INPP5J: variants seen among roughly 807,000 people sequenced by gnomAD.
INPP5J encodes inositol polyphosphate-5-phosphatase J.
INPP5J carries 75 observed loss-of-function variants against 86.6 expected under a neutral mutation model. That is an observed-to-expected ratio of 0.87 (90% CI 0.72 to 1.05). The LOEUF is 1.05. Ranked by LOEUF, INPP5J falls within the 50% of genes least tolerant of loss-of-function variation. INPP5J has a pLI of 0.00. For synonymous variants in INPP5J, 540 were observed against 550.0 expected, an observed-to-expected ratio of 0.98 and a Z score of 0.25; for missense variants, 1,229 against 1,341.2, an observed-to-expected ratio of 0.92 and a Z score of 1.31.
intron 1 of INPP5J, 35 bp downstream of exon 1, chr22:31,123,154 CT>C: frequency 7.4e-7 from 1 of 1,350,162 alleles, no homozygotes; most frequent in Non-Finnish European, 9.8e-7. Context: ...CCCCGCTTTC[CT>C]GATCCCTGGT....
rs765506251 is a variant in INPP5J, at chr22:31,128,576, G to A, written c.2115G>A (p.Val705=). Residue 705 remains valine (V), a synonymous_variant, in exon 9 of 13, where the codon GTG becomes GTA. Coordinates refer to ENST00000331075, the MANE Select transcript of INPP5J (RefSeq NM_001284285.2). ...PSGRKSHRLQ[V]TQHSYRSHME... is the part of the protein sequence containing the mutation. Reference sequence around the variant, plus strand: ...GACGGAAGAGCCACCGACTCCAGGTGACGCAGCACAGCTACCGCAGCCACA... The same window carrying A: ...GACGGAAGAGCCACCGACTCCAGGTAACGCAGCACAGCTACCGCAGCCACA... 6 of 1,613,148 alleles carry A rather than the reference G, an allele frequency of 3.7e-6. No homozygotes were observed. The South Asian group carries it at 6.6e-5, about 18-fold the overall frequency.
Position 31,125,932 on chromosome 22 carries a change from C to G in INPP5J, c.1193C>G (p.Thr398Ser). The change falls in exon 2 of 13, where the codon ACC becomes AGC. Residue 398 changes from threonine to serine, a missense_variant. Coordinates refer to ENST00000331075, the MANE Select transcript of INPP5J (RefSeq NM_001284285.2). ...LQAQEAPAPV[T>S]TSSSTSTLSS... is the part of the protein sequence containing the mutation. ...GCCCAAGAAGCCCCAGCCCCAGTCA[C>G]CACCTCCTCTTCTACATCCACCCTG... 1 of 1,613,296 alleles carries G rather than the reference C, an allele frequency of 6.2e-7. No homozygotes were observed.
chr22:31,124,307 A>AG, intron 1 of INPP5J: 1 of 987,888 alleles, frequency 1.0e-6, no homozygotes, highest in Non-Finnish European at 1.2e-6. Context: ...TTGGATGTTT[A>AG]GGGGGCGGTG....
chr22:31,124,971 G>A lies in INPP5J; in HGVS notation c.232G>A (p.Ala78Thr). 6.2e-7 allele frequency: 1 copy of A among 1,601,836 alleles called. No homozygotes were observed. Among genetic ancestry groups the A allele is most frequent in the Non-Finnish European group, 8.5e-7 (1 of 1,174,334 alleles). Residue 78 changes from alanine (A) to threonine (T), a missense_variant, in exon 2 of 13, where the codon GCT becomes ACT. Ala to Thr is a moderately conservative substitution (Grantham distance 58). Coordinates refer to ENST00000331075, the MANE Select transcript of INPP5J (RefSeq NM_001284285.2). ...MSASSEGPRL[A>T]LASPRPILAP... Reference sequence around the variant, plus strand: ...AGCTTCCTCGGAAGGACCGAGGCTGGCTCTGGCATCTCCCCGACCAATCCT... The same window carrying A: ...AGCTTCCTCGGAAGGACCGAGGCTGACTCTGGCATCTCCCCGACCAATCCT...
In INPP5J at chr22:31,126,999, C is replaced by T; in HGVS notation, c.1573C>T (p.Gln525Ter). Residue 525 changes from glutamine (Q) to a stop codon, truncating the protein, a stop_gained, in exon 5 of 13, where the codon CAG (glutamine) becomes TAG (stop). Transcript: ENST00000331075. LOFTEE classifies it high-confidence loss of function. The stretch of plus-strand genomic sequence containing the variant: ...CCACCTGCCCTTCCTGCGAGACGTG[C>T]AGACCGACTGCACGCGCACTGGCCT... The part of the protein sequence containing the change: ...YYHLPFLRDV[Q>*]TDCTRTGLGG... 6.2e-7 allele frequency: 1 copy of T among 1,608,540 alleles called. No individual in the cohort carries two copies. Among genetic ancestry groups the T allele is most frequent in the South Asian group, 1.1e-5 (1 of 90,036 alleles).
chr22:31,127,222 T>C (rs1778226874), intron 5 of INPP5J, 135 bp from the exon 6 acceptor site: 1 of 813,324 alleles, frequency 1.2e-6, no homozygotes, highest in Non-Finnish European at 1.9e-6. Context: ...CTCTCCCCAC[T>C]GTGTCCCAGC....
chr22:31,127,272 C>T, intron 5 of INPP5J, 85 bp from the exon 6 acceptor site: 1 of 1,298,942 alleles, frequency 7.7e-7, no homozygotes, highest in South Asian at 1.5e-5. Context: ...ACCTTCCACC[C>T]ACATCTCCTC....
Position 31,126,653 on chromosome 22 carries a change from G to A in INPP5J, c.1426G>A (p.Asp476Asn). The A allele has an allele frequency of 6.2e-7, 1 of 1,613,966 alleles. No homozygotes were observed. The highest frequency in any genetic ancestry group is 1.1e-5 in the South Asian group (1 of 91,084). The stretch of plus-strand genomic sequence containing the variant: ...CTCCATGCTCAACAAGCGACTCAAG[G>A]ACGCCCTCTTCACGGACCAGTGGAG... ...VNSMLNKRLK[D>N]ALFTDQWSEL... is the part of the protein sequence containing the mutation. Residue 476 changes from aspartate to asparagine, a missense_variant, in exon 4 of 13, where the codon GAC becomes AAC. Asp to Asn is a conservative substitution (Grantham distance 23, BLOSUM62 1). Transcript: ENST00000331075.
Position 31,124,844 on chromosome 22 carries a change from G to A in INPP5J, c.106-1G>A, listed in dbSNP as rs755750537. 1 of 1,608,326 alleles carries A rather than the reference G, an allele frequency of 6.2e-7. No homozygotes were observed. Among genetic ancestry groups the A allele is most frequent in the Non-Finnish European group, 8.5e-7 (1 of 1,175,840 alleles). On this transcript the variant is annotated splice_acceptor_variant, in intron 1 of 12. Transcript: ENST00000331075. LOFTEE classifies it high-confidence loss of function. The stretch of plus-strand genomic sequence containing the variant: ...TGAATCTTTGACTTGTCCTCCACAA[G>A]GTGGACTCAAGTTTTCAGCTCCCAG...
Position 31,124,841 on chromosome 22 carries a change from C to T in INPP5J, c.106-4C>T. On this transcript the variant is annotated splice_polypyrimidine_tract_variant and splice_region_variant and intron_variant, in intron 1 of 12. Transcript: ENST00000331075. Reference sequence around the variant, plus strand: ...CTCTGAATCTTTGACTTGTCCTCCACAAGGTGGACTCAAGTTTTCAGCTCC... The same window carrying T: ...CTCTGAATCTTTGACTTGTCCTCCATAAGGTGGACTCAAGTTTTCAGCTCC... 1 of 1,607,400 alleles carries T rather than the reference C, an allele frequency of 6.2e-7. No homozygotes were observed. Among genetic ancestry groups the T allele is most frequent in the Non-Finnish European group, 8.5e-7 (1 of 1,175,292 alleles).
rs752619786 is a variant in INPP5J at position 31,126,407 on chromosome 22, G to A, written c.1303G>A (p.Ala435Thr). Residue 435 changes from alanine (A) to threonine (T), a missense_variant, in exon 3 of 13, where the codon GCC becomes ACC. Physicochemically the swap from Ala to Thr is moderately conservative, Grantham distance 58. Transcript: ENST00000331075. ...ITVVTWNVGTAMPPDDVTSLL... is the reference protein window; with the variant it reads ...ITVVTWNVGTTMPPDDVTSLL... Reference sequence around the variant, plus strand: ...TGTGGTCACATGGAACGTGGGCACTGCCATGCCCCCAGACGATGTCACATC... The same window carrying A: ...TGTGGTCACATGGAACGTGGGCACTACCATGCCCCCAGACGATGTCACATC... 1 of 1,613,792 alleles carries A rather than the reference G, an allele frequency of 6.2e-7. No homozygotes were observed. Among genetic ancestry groups the A allele is most frequent in the South Asian group, 1.1e-5 (1 of 91,088 alleles).
chr22:31,123,704 G>C (rs536034696), intron 1 of INPP5J, among the ~76,000 whole-genome samples: 1 of 152,276 alleles, frequency 6.6e-6, no homozygotes, highest in South Asian at 2.1e-4. Flanking sequence ...ACCCTACCTA[G>C]GGCCATCCTG....
chr22:31,134,057 C>A lies in INPP5J; in HGVS notation c.2659C>A (p.Arg887Ser). 1 of 1,584,422 alleles carries A rather than the reference C, an allele frequency of 6.3e-7. No individual in the cohort carries two copies. The highest frequency in any genetic ancestry group is 8.6e-7 in the Non-Finnish European group (1 of 1,166,746). ...SPGKSKRHRS[R>S]SPGLARFPGL... is the part of the protein sequence containing the mutation. ...TGGCAAGTCCAAGCGACACCGCAGC[C>A]GCAGCCCGGGACTGGCCAGGTTCCC... Residue 887 changes from arginine to serine, a missense_variant, in exon 13 of 13, where the codon CGC becomes AGC. Physicochemically the swap from Arg to Ser is moderately radical, Grantham distance 110 (BLOSUM62 -1). Transcript: ENST00000331075.
chr22:31,124,761 T>G (rs758492857), intron 1 of INPP5J, 84 bp from the exon 2 acceptor site: 34 of 1,184,362 alleles, frequency 2.9e-5, no homozygotes, highest in Non-Finnish European at 3.9e-5. Context: ...CTTAGCTAGA[T>G]GAACTCTGCC....
Position 31,133,166 on chromosome 22 carries a change from G to C in INPP5J, c.2262G>C (p.Gln754His). 1 of 1,586,686 alleles carries C rather than the reference G, an allele frequency of 6.3e-7. No homozygotes were observed. Among genetic ancestry groups the C allele is most frequent in the Non-Finnish European group, 8.6e-7 (1 of 1,167,428 alleles). The stretch of plus-strand genomic sequence containing the variant: ...CAGATGAGTGGGTGCGGCCCGAGCA[G>C]GCGGTGGTGAGGTACCGCATGGAAA... ...EVADEWVRPE[Q>H]AVVRYRMETV... is the part of the protein sequence containing the mutation. The change falls in exon 10 of 13, where the codon CAG (glutamine) becomes CAC (histidine). Residue 754 changes from glutamine to histidine, a missense_variant. Gln to His is a conservative substitution (Grantham distance 24). Transcript: ENST00000331075.
rs372167198 is a variant in INPP5J, at chr22:31,126,020, C to A, written c.1271+10C>A. On this transcript the variant is annotated intron_variant, in intron 2 of 12. Transcript: ENST00000331075. ...GCGACCCCGGCTTCCGGTGAGGGGG[C>A]CCTCTCCCAAGAAAGGTGGCTGGGG... 4 of 1,548,656 alleles carry A rather than the reference C, an allele frequency of 2.6e-6. No individual in the cohort carries two copies. In the African/African-American group the frequency reaches 5.4e-5, roughly 21 times the overall value.
chr22:31,124,289 C>T, intron 1 of INPP5J: 1 of 987,510 alleles, frequency 1.0e-6, no homozygotes. Flanking sequence ...GGGCTGTAAC[C>T]AAGGGATTTG....
intron 1 of INPP5J, 84 bp downstream of exon 1, chr22:31,123,203 G>T (rs1459489856): frequency 1.2e-5 from 10 of 845,052 alleles, no homozygotes; most frequent in Non-Finnish European, 1.7e-5. Context: ...AGGCTCCCTG[G>T]TGCTCCTGAC....
Position 31,125,195 on chromosome 22 carries a change from A to G in INPP5J, c.456A>G (p.Pro152=). 1 of 1,550,408 alleles carries G rather than the reference A, an allele frequency of 6.4e-7. No individual in the cohort carries two copies. The change falls in exon 2 of 13, where the codon CCA becomes CCG. Residue 152 remains proline, a synonymous_variant. Coordinates refer to ENST00000331075, the MANE Select transcript of INPP5J (RefSeq NM_001284285.2). ...MPASAGPRSP[P]VTLGPNLAPT... Reference sequence around the variant, plus strand: ...CCTCAGCAGGGCCAAGATCTCCCCCAGTCACCCTGGGGCCCAATCTGGCCC... The same window carrying G: ...CCTCAGCAGGGCCAAGATCTCCCCCGGTCACCCTGGGGCCCAATCTGGCCC...
Sources: gnomAD v4.1 joint callset for allele counts (sites outside exome capture counted in the v4.1 genomes callset) on GRCh38, gnomAD v4.1.1 for gene constraint, MANE v1.5 for transcripts, NCBI Gene and HGNC (gene_info 2026-07-23, HGNC 2026-07-21) for gene names.